CCDC88C: variants seen among roughly 807,000 people sequenced by gnomAD.
CCDC88C encodes protein Daple.
CCDC88C carries 131 observed loss-of-function variants against 198.8 expected under a neutral mutation model. The observed-to-expected ratio is 0.66, with a 90% CI of 0.57 to 0.76. CCDC88C has a LOEUF of 0.76. Ranked by LOEUF, CCDC88C falls within the 30% of genes least tolerant of loss-of-function variation. The pLI is 0.00. For missense variants in CCDC88C, 2,553 were observed against 2,631.6 expected, an observed-to-expected ratio of 0.97 and a Z score of 0.65; for synonymous variants, 1,166 against 1,114.7, an observed-to-expected ratio of 1.05 and a Z score of -0.92.
At position 91,325,884 on chromosome 14, in the gene CCDC88C, T is replaced by C; in HGVS notation, c.1197+26A>G. ...GTGCCCGAGCCCAATCTGTTTTCAA[T>C]GTAGTAACAACACAGCCTGCAGTAC... On this transcript the variant is annotated intron_variant, in intron 11 of 29. Coordinates refer to ENST00000389857, the MANE Select transcript of CCDC88C (RefSeq NM_001080414.4). This position sits in a 1 kb window ranked among gnomAD's most constrained non-coding sequence, Gnocchi z 4.1. 1 of 1,544,678 alleles carries C rather than the reference T, an allele frequency of 6.5e-7. No individual in the cohort carries two copies. The highest frequency in any genetic ancestry group is 1.2e-5 in the South Asian group (1 of 83,712).
chr14:91,332,113 C>T (rs1403677804), intron 10 of CCDC88C, among the ~76,000 whole-genome samples: 1 of 152,192 alleles, frequency 6.6e-6, no homozygotes, highest in African/African-American at 2.4e-5. Context: ...CACACAGGAG[C>T]AGAGAGAGGC....
chr14:91,401,933 G>A (rs891867352), intron 3 of CCDC88C, among the ~76,000 whole-genome samples: 2 of 152,134 alleles, frequency 1.3e-5, no homozygotes, highest in African/African-American at 2.4e-5. Context: ...CAAGTTTAAC[G>A]TGTTCTTTCC....
Position 91,271,434 on chromosome 14 carries a change from C to T in CCDC88C, c.*1191G>A, listed in dbSNP as rs367929017. ...ATGGATCTTGTTAACATTCAAAAGT[C>T]TCCCATTTCTTTCTCAGTATATTAA... On this transcript the variant is annotated 3_prime_UTR_variant, in exon 30 of 30. Transcript: ENST00000389857. The T allele has an allele frequency of 3.1e-4, 47 of 151,770 alleles. No homozygotes were observed. The highest frequency in any genetic ancestry group is 1.1e-3 in the African/African-American group (44 of 41,244). 9.4% of individuals were successfully genotyped at this position (151,770 alleles called of 1,614,324 possible).
intron 14 of CCDC88C, among the ~76,000 whole-genome samples, chr14:91,314,608 T>TC (rs1475924022): frequency 2.0e-5 from 3 of 152,128 alleles, no homozygotes; most frequent in Non-Finnish European, 4.4e-5. Flanking sequence ...TGGGGTCAGT[T>TC]CCCCAAAACA....
In CCDC88C at chr14:91,283,310, G is replaced by A. The variant is rs1008218713; in HGVS notation, c.4630+19C>T. The A allele has an allele frequency of 6.2e-7, 1 of 1,610,530 alleles. No homozygotes were observed. Among genetic ancestry groups the A allele is most frequent in the Non-Finnish European group, 8.5e-7 (1 of 1,178,778 alleles). ...CACTAGGCCCGACGCTCATGGCTCTGGAAGGGCCTGTGACTCACCTTTGGT... is the reference window on the plus strand; with the variant it reads ...CACTAGGCCCGACGCTCATGGCTCTAGAAGGGCCTGTGACTCACCTTTGGT... On this transcript the variant is annotated intron_variant, in intron 26 of 29. Coordinates refer to ENST00000389857, the MANE Select transcript of CCDC88C (RefSeq NM_001080414.4).
At chr14:91,321,404 C>T (rs2139821236) in intron 12 of CCDC88C, 100 bp from the exon 13 acceptor site, 1 of 1,297,448 alleles carries the variant, frequency 7.7e-7, no homozygotes. Flanking sequence ...AGTCCAGGGT[C>T]TAAGGGGCTG....
intron 10 of CCDC88C, among the ~76,000 whole-genome samples, chr14:91,336,906 G>A (rs1893073911): frequency 6.6e-6 from 1 of 152,260 alleles, no homozygotes; most frequent in Non-Finnish European, 1.5e-5. Flanking sequence ...CCACGGCAGG[G>A]AGAGGGCAAT....
intron 20 of CCDC88C, among the ~76,000 whole-genome samples, chr14:91,301,945 C>T (rs762697964): frequency 1.4e-4 from 21 of 151,972 alleles, no homozygotes; most frequent in Non-Finnish European, 1.0e-4. Flanking sequence ...TGGGGGAAGA[C>T]GAGGGAGAGA....
chr14:91,399,241 G>A (rs146880930), intron 3 of CCDC88C, among the ~76,000 whole-genome samples: 230 of 152,172 alleles, frequency 1.5e-3, no homozygotes, highest in Middle Eastern at 6.8e-3. Flanking sequence ...CCACCTGACC[G>A]ACACCAGTGA....
chr14:91,272,541 A>T lies in CCDC88C; in HGVS notation c.*84T>A. ...TCCTCATTCCAAACCCTCTCCTGGCACCGCAGGCAAGCAAGAGAAAAGGCC... is the reference window on the plus strand; with the variant it reads ...TCCTCATTCCAAACCCTCTCCTGGCTCCGCAGGCAAGCAAGAGAAAAGGCC... On this transcript the variant is annotated 3_prime_UTR_variant, in exon 30 of 30. Coordinates refer to ENST00000389857, the MANE Select transcript of CCDC88C (RefSeq NM_001080414.4). The T allele has an allele frequency of 7.1e-7, 1 of 1,403,826 alleles. No individual in the cohort carries two copies. The allele number at this position is 1,403,826 out of a possible 1,614,324, so 87.0% of individuals were successfully genotyped here.
At chr14:91,310,806 A>G (rs931569478) in intron 15 of CCDC88C, among the ~76,000 whole-genome samples, 1 of 152,154 alleles carries the variant, frequency 6.6e-6, no homozygotes, top group African/African-American at 2.4e-5. Flanking sequence ...CTCTCTAGAT[A>G]GTGACCGTTT....
intron 23 of CCDC88C, among the ~76,000 whole-genome samples, chr14:91,292,136 G>A (rs1029931422): frequency 4.6e-5 from 7 of 152,170 alleles, no homozygotes; most frequent in African/African-American, 1.4e-4. Flanking sequence ...ACGGTGAGGT[G>A]AGCCCCTGTA....
In CCDC88C at chr14:91,371,504, G is replaced by A. The variant is rs1894802956; in HGVS notation, c.271-11793C>T. ...AGGAGTACAGAGGCCGGCGGTGGCA[G>A]GAGTACAGCACAGACCAAGACCACA... is the stretch of plus-strand genomic sequence containing the variant. On this transcript the variant is annotated intron_variant, in intron 3 of 29. Coordinates refer to ENST00000389857, the MANE Select transcript of CCDC88C (RefSeq NM_001080414.4). This position sits in a 1 kb window ranked among gnomAD's most constrained non-coding sequence, Gnocchi z 4.2. Among the ~76,000 whole-genome samples the A allele has an allele frequency of 6.6e-6, 1 of 152,082 alleles. No individual in the cohort carries two copies. Among genetic ancestry groups the A allele is most frequent in the Admixed American group, 6.5e-5 (1 of 15,278 alleles).
At chr14:91,303,276 G>GCCTCTCCTGAGAC (rs1190934389) in intron 20 of CCDC88C, among the ~76,000 whole-genome samples, 1 of 140,578 alleles carries the variant, frequency 7.1e-6, no homozygotes, top group African/African-American at 2.7e-5. Context: ...CCAAAGCCCT[G>GCCTCTCCTGAGAC]CCTCTCCTGA....
intron 3 of CCDC88C, among the ~76,000 whole-genome samples, chr14:91,394,270 G>A (rs925898729): frequency 2.6e-5 from 4 of 152,134 alleles, no homozygotes; most frequent in Admixed American, 2.0e-4. Flanking sequence ...ACAGGTCTGC[G>A]TGAAAACAGT....
At chr14:91,372,600 A>C (rs924903282) in intron 3 of CCDC88C, among the ~76,000 whole-genome samples, 1 of 150,460 alleles carries the variant, frequency 6.6e-6, no homozygotes. Flanking sequence ...AAAGGAAGAC[A>C]CAGAAGGTGC....
intron 3 of CCDC88C, among the ~76,000 whole-genome samples, chr14:91,375,187 C>T (rs1884319395): frequency 6.6e-6 from 1 of 152,194 alleles, no homozygotes. Context: ...TGGCACACAG[C>T]AGGGCTCAGC....
Position 91,313,666 on chromosome 14 carries a change from C to A in CCDC88C, c.2150G>T (p.Arg717Leu). The change falls in exon 15 of 30, where the codon CGC becomes CTC. Residue 717 changes from arginine to leucine, a missense_variant. Coordinates refer to ENST00000389857, the MANE Select transcript of CCDC88C (RefSeq NM_001080414.4). This position sits in a 1 kb window ranked among gnomAD's most constrained non-coding sequence, Gnocchi z 5.2. ...LELRRLVETM[R>L]FTSTKLAQME... ...CTGTGCCAGCTTGGTGCTGGTGAAG[C>A]GCATGGTCTCCACCAGCCTGCGCAG... The A allele has an allele frequency of 6.2e-7, 1 of 1,612,232 alleles. No individual in the cohort carries two copies. Among genetic ancestry groups the A allele is most frequent in the Non-Finnish European group, 8.5e-7 (1 of 1,179,870 alleles).
intron 29 of CCDC88C, among the ~76,000 whole-genome samples, chr14:91,275,689 T>C (rs1320391491): frequency 1.3e-5 from 2 of 150,014 alleles, no homozygotes; most frequent in Non-Finnish European, 3.0e-5. Flanking sequence ...GTATCTTTAG[T>C]AGAGATGGGG....
Sources: gnomAD v4.1 joint callset for allele counts (sites outside exome capture counted in the v4.1 genomes callset) on GRCh38, gnomAD v4.1.1 for gene constraint, Gnocchi (gnomAD v3.1) non-coding constraint, MANE v1.5 for transcripts, NCBI Gene and HGNC (gene_info 2026-07-23, HGNC 2026-07-21) for gene names.